Variants in UTRN observed in about 807,000 individuals in gnomAD.
UTRN encodes dystrophin-related protein 1.
Under a neutral mutation model 463.9 loss-of-function variants are expected in UTRN, and 283 were observed. That is an observed-to-expected ratio of 0.61 (90% confidence interval 0.55 to 0.67). The LOEUF (loss-of-function observed/expected upper bound fraction) is 0.67, where lower values mean the gene tolerates loss of function less well. UTRN is among the 30% of genes least tolerant of loss of function. UTRN has a pLI of 0.00. For synonymous variants in UTRN, 1,442 were observed against 1,431.5 expected (o/e 1.01, Z -0.17); for missense variants, 3,922 against 4,084.3 (o/e 0.96, Z 1.08).
At chr6:144,781,311 T>G (rs1775808537) in intron 60 of UTRN, among the ~76,000 whole-genome samples, 1 of 152,178 alleles carries the variant, frequency 6.6e-6, no homozygotes, top group African/African-American at 2.4e-5. Flanking sequence ...TCATCGGAAG[T>G]AAACCAGGTT....
intron 23 of UTRN, among the ~76,000 whole-genome samples, chr6:144,472,967 C>G (rs1790819528): frequency 6.6e-6 from 1 of 152,002 alleles, no homozygotes; most frequent in Admixed American, 6.6e-5. Flanking sequence ...CGGGGTTTCA[C>G]CTTGTTGGCC....
In UTRN at chr6:144,514,705, A is replaced by C; in HGVS notation, c.5129A>C (p.Gln1710Pro). The change falls in exon 37 of 75, where the codon CAA becomes CCA. Residue 1710 changes from glutamine to proline, a missense_variant. Physicochemically the swap from Gln to Pro is moderately conservative, Grantham distance 76. This residue lies in a region of UTRN where 2,349 missense variants were observed against 2,303.8 expected (regional missense o/e 1.02). Coordinates refer to ENST00000367545, the MANE Select transcript of UTRN (RefSeq NM_007124.3). ...ANLQVENVRD[Q>P]ALILMNARGS... ...CTCCAGGTTGAAAATGTCCGCGATC[A>C]AGCCCTTATTTTGATGAATGCCCGT... 6.2e-7 allele frequency: 1 copy of C among 1,614,186 alleles called. No homozygotes were observed. The highest frequency in any genetic ancestry group is 8.5e-7 in the Non-Finnish European group (1 of 1,180,024).
At chr6:144,620,845 AAG>A (rs1481472635) in intron 51 of UTRN, among the ~76,000 whole-genome samples, 2 of 152,202 alleles carry the variant, frequency 1.3e-5, no homozygotes, top group Admixed American at 1.3e-4. Flanking sequence ...GAAGGAAAAG[AAG>A]AGACATGGTA....
intron 69 of UTRN, among the ~76,000 whole-genome samples, chr6:144,830,556 C>T (rs183872337): frequency 6.6e-6 from 1 of 152,174 alleles, no homozygotes; most frequent in Non-Finnish European, 1.5e-5. Flanking sequence ...GATTTTACTT[C>T]ATTTCACTAA....
intron 2 of UTRN, among the ~76,000 whole-genome samples, chr6:144,337,239 C>G (rs1226487339): frequency 6.6e-6 from 1 of 151,490 alleles, no homozygotes; most frequent in Non-Finnish European, 1.5e-5. Flanking sequence ...GAGGGCCACC[C>G]TGGGAGGAAA....
intron 51 of UTRN, among the ~76,000 whole-genome samples, chr6:144,635,530 C>CTTTTTTTTTTTT (rs1562685915): frequency 1.0e-4 from 6 of 59,094 alleles, no homozygotes; most frequent in African/African-American, 2.9e-4. Flanking sequence ...TTTTTTTTTT[C>CTTTTTTTTTTTT]TTTTCTTTTT....
At chr6:144,694,035 A>G (rs145895930) in intron 52 of UTRN, among the ~76,000 whole-genome samples, 1 of 152,060 alleles carries the variant, frequency 6.6e-6, no homozygotes, top group African/African-American at 2.4e-5. Flanking sequence ...GGTGTTGTAG[A>G]TGGTTCTTAG....
At chr6:144,787,675 A>G (rs1412147972) in intron 61 of UTRN, among the ~76,000 whole-genome samples, 2 of 152,206 alleles carry the variant, frequency 1.3e-5, no homozygotes, top group Non-Finnish European at 2.9e-5. Context: ...AAAAATATCA[A>G]TAAAATCAAT....
intron 19 of UTRN, among the ~76,000 whole-genome samples, chr6:144,457,487 G>T (rs1315413152): frequency 1.3e-5 from 2 of 152,178 alleles, no homozygotes; most frequent in Admixed American, 6.5e-5. Flanking sequence ...AAATGATGGG[G>T]CAGGGGCATG....
At chr6:144,456,191 A>G (rs1305611792) in intron 19 of UTRN, among the ~76,000 whole-genome samples, 2 of 152,132 alleles carry the variant, frequency 1.3e-5, no homozygotes, top group South Asian at 4.1e-4. Context: ...TTAGGGAGGC[A>G]TGTCAAATTC....
chr6:144,634,307 G>A (rs1585688998), intron 51 of UTRN, among the ~76,000 whole-genome samples: 1 of 152,260 alleles, frequency 6.6e-6, no homozygotes, highest in East Asian at 1.9e-4. Flanking sequence ...TATCAGTTGG[G>A]GGCCCTTCAG....
intron 2 of UTRN, among the ~76,000 whole-genome samples, chr6:144,356,475 T>A (rs1778555913): frequency 6.6e-6 from 1 of 152,236 alleles, no homozygotes; most frequent in Non-Finnish European, 1.5e-5. Context: ...CTCTAGTAAC[T>A]GCTTTCTAAA....
At chr6:144,778,478 C>T (rs1388930882) in intron 60 of UTRN, among the ~76,000 whole-genome samples, 2 of 151,926 alleles carry the variant, frequency 1.3e-5, no homozygotes, top group Non-Finnish European at 2.9e-5. Context: ...AATCTGGAGC[C>T]ATCCAAAGAG....
chr6:144,763,925 G>A (rs183653237), intron 58 of UTRN, among the ~76,000 whole-genome samples: 1 of 152,114 alleles, frequency 6.6e-6, no homozygotes, highest in East Asian at 1.9e-4. Context: ...TATCTTTTTG[G>A]TTCCAGTTTT....
At chr6:144,825,121 C>G (rs1306900416) in intron 66 of UTRN, among the ~76,000 whole-genome samples, 1 of 152,004 alleles carries the variant, frequency 6.6e-6, no homozygotes, top group Non-Finnish European at 1.5e-5. Flanking sequence ...GATCCTCTTG[C>G]CTCAGCTTCC....
chr6:144,530,612 C>T (rs1012046391), intron 41 of UTRN, among the ~76,000 whole-genome samples: 4 of 152,128 alleles, frequency 2.6e-5, no homozygotes, highest in Admixed American at 2.0e-4. Context: ...TTATATTTCA[C>T]AGTATTTAAA....
At chr6:144,738,342 C>G (rs1195030969) in intron 54 of UTRN, among the ~76,000 whole-genome samples, 1 of 152,212 alleles carries the variant, frequency 6.6e-6, no homozygotes, top group Non-Finnish European at 1.5e-5. Flanking sequence ...CACAGTGAAG[C>G]TGTGCAAGAC....
At chr6:144,635,453 C>CA (rs1177956933) in intron 51 of UTRN, among the ~76,000 whole-genome samples, 1 of 148,216 alleles carries the variant, frequency 6.7e-6, no homozygotes, top group East Asian at 2.0e-4. Flanking sequence ...GCCCAGCCTG[C>CA]AATGTCCTTT....
intron 23 of UTRN, among the ~76,000 whole-genome samples, chr6:144,471,142 T>A (rs1299331684): frequency 6.7e-6 from 1 of 150,180 alleles, no homozygotes; most frequent in African/African-American, 2.5e-5. Flanking sequence ...TTTTTTCTCA[T>A]GTCAGAGGGA....
Sources: gnomAD v4.1 joint callset for allele counts (sites outside exome capture counted in the v4.1 genomes callset) on GRCh38, gnomAD v4.1.1 for gene constraint, gnomAD v4.1.1 regional missense constraint, MANE v1.5 for transcripts, NCBI Gene and HGNC (gene_info 2026-07-23, HGNC 2026-07-21) for gene names.